Variants in NFAT5 observed in about 807,000 individuals in gnomAD.
NFAT5 encodes nuclear factor of activated T-cells 5.
A neutral mutation model predicts 166.5 loss-of-function variants in NFAT5; 31 were observed. That is an observed-to-expected ratio of 0.19 (90% CI 0.14 to 0.25). The LOEUF (loss-of-function observed/expected upper bound fraction) is 0.25. NFAT5 is among the 10% of genes least tolerant of loss of function. The pLI is 1.00. For synonymous variants in NFAT5, 612 were observed against 639.7 expected (o/e 0.96, Z 0.65); for missense variants, 1,449 against 1,821.8 (o/e 0.80, Z 3.72).
chr16:69,575,666 A>G (rs1480957287), intron 2 of NFAT5, among the ~76,000 whole-genome samples: 5 of 136,310 alleles, frequency 3.7e-5, no homozygotes, highest in Non-Finnish European at 7.9e-5. Context: ...GAAGAAAAAA[A>G]TTTAGTTTTA....
At position 69,670,292 on chromosome 16, in the gene NFAT5, A is replaced by G. The variant is rs748045730; in HGVS notation, c.1557+4A>G. 2.6e-6 allele frequency: 4 copies of G among 1,528,822 alleles called. No individual in the cohort carries two copies. Among genetic ancestry groups the G allele is most frequent in the East Asian group, 2.4e-5 (1 of 40,934 alleles). The allele number at this position is 1,528,822 out of a possible 1,614,324, so 94.7% of individuals were successfully genotyped here. ...TGATATGGAACTATTTCATCAGGTA[A>G]AATTTAAGCTTTTTTTATAATTTGG... On this transcript the variant is annotated splice_donor_region_variant and intron_variant, in intron 9 of 14. Coordinates refer to ENST00000349945, the MANE Select transcript of NFAT5 (RefSeq NM_138713.4).
chr16:69,693,819 A>G lies in NFAT5; in HGVS notation c.3994A>G (p.Asn1332Asp). Residue 1332 changes from asparagine (N) to aspartate (D), a missense_variant, in exon 13 of 15, where the codon AAC (asparagine) becomes GAC (aspartate). Asn to Asp is a conservative substitution (Grantham distance 23). This residue lies in a region of NFAT5 where 891 missense variants were observed against 993.0 expected (regional missense o/e 0.90). Transcript: ENST00000349945. The stretch of plus-strand genomic sequence containing the variant: ...CCAGTCAATTTTTCACCAACAAAGT[A>G]ACATGGCCCCAATGAATCAAGAGCA... ...QNQSIFHQQS[N>D]MAPMNQEQQP... The G allele has an allele frequency of 1.2e-6, 2 of 1,614,262 alleles. No individual in the cohort carries two copies. Among genetic ancestry groups the G allele is most frequent in the Non-Finnish European group, 1.7e-6 (2 of 1,180,048 alleles).
At chr16:69,575,691 A>G (rs564491689) in intron 2 of NFAT5, among the ~76,000 whole-genome samples, 1 of 152,268 alleles carries the variant, frequency 6.6e-6, no homozygotes, top group East Asian at 1.9e-4. Flanking sequence ...AAAAAACTGT[A>G]CCTGAGGCAA....
intron 2 of NFAT5, 58 bp from the exon 3 acceptor site, chr16:69,626,345 G>T (rs1392747423): frequency 2.1e-5 from 32 of 1,490,260 alleles, no homozygotes; most frequent in Non-Finnish European, 2.6e-5. Flanking sequence ...GTGCATATTA[G>T]ATTGTTGACT....
In NFAT5 at chr16:69,647,626, C is replaced by G. The variant is rs531322058; in HGVS notation, c.812+40C>G. On this transcript the variant is annotated intron_variant, in intron 4 of 14. Coordinates refer to ENST00000349945, the MANE Select transcript of NFAT5 (RefSeq NM_138713.4). The surrounding 1 kb of genome is among the most constrained non-coding windows in gnomAD (Gnocchi z 4.8). Reference sequence around the variant, plus strand: ...TTTTTAAAATTCTATCATCATTATGCAAAACAAACAAACAAAAAAAATTCC... The same window carrying G: ...TTTTTAAAATTCTATCATCATTATGGAAAACAAACAAACAAAAAAAATTCC... 4.7e-6 allele frequency: 7 copies of G among 1,483,600 alleles called. No individual in the cohort carries two copies. In the South Asian group the frequency reaches 8.2e-5, roughly 17 times the overall value. The allele number at this position is 1,483,600 out of a possible 1,614,324, so 91.9% of individuals were successfully genotyped here.
chr16:69,575,429 A>T (rs1022571453), intron 2 of NFAT5, among the ~76,000 whole-genome samples: 1 of 152,064 alleles, frequency 6.6e-6, no homozygotes, highest in African/African-American at 2.4e-5. Flanking sequence ...CAGCCTCCCA[A>T]AGTGCTGGGA....
intron 4 of NFAT5, among the ~76,000 whole-genome samples, chr16:69,651,102 T>C (rs897050536): frequency 6.6e-6 from 1 of 152,246 alleles, no homozygotes; most frequent in Admixed American, 6.5e-5. Context: ...TGGCATTCCT[T>C]GTCCAGTTAG....
intron 3 of NFAT5, among the ~76,000 whole-genome samples, chr16:69,640,622 AC>A (rs1234685445): frequency 6.6e-6 from 1 of 152,194 alleles, no homozygotes; most frequent in Non-Finnish European, 1.5e-5. Context: ...GGTCATTGTT[AC>A]CAGTAAGAAA....
At chr16:69,624,764 A>C (rs2034371255) in intron 2 of NFAT5, among the ~76,000 whole-genome samples, 1 of 152,146 alleles carries the variant, frequency 6.6e-6, no homozygotes, top group East Asian at 1.9e-4. Flanking sequence ...ATTTTAAAGT[A>C]CTCAGGCAGA....
chr16:69,590,797 G>C (rs1357873984), intron 2 of NFAT5, among the ~76,000 whole-genome samples: 1 of 152,162 alleles, frequency 6.6e-6, no homozygotes, highest in Non-Finnish European at 1.5e-5. Flanking sequence ...CCCCATCTGG[G>C]GTAGAGTGTT....
Position 69,617,615 on chromosome 16 carries a change from C to T in NFAT5, c.128-8788C>T, listed in dbSNP as rs1341067443. 4.0e-5 allele frequency among the ~76,000 whole-genome samples: 6 copies of T among 151,740 alleles called. 1 individual carries two copies. Among genetic ancestry groups the T allele is most frequent in the Admixed American group, 1.3e-4 (2 of 15,252 alleles). ...AAGCAGTCCTCCTACCTCAGCCTCCCGAGTAGCTGGAACTACAGGCTTGCA... is the reference window on the plus strand; with the variant it reads ...AAGCAGTCCTCCTACCTCAGCCTCCTGAGTAGCTGGAACTACAGGCTTGCA... On this transcript the variant is annotated intron_variant, in intron 2 of 14. Coordinates refer to ENST00000349945, the MANE Select transcript of NFAT5 (RefSeq NM_138713.4).
chr16:69,629,366 A>G (rs2034604558), intron 3 of NFAT5, among the ~76,000 whole-genome samples: 1 of 152,142 alleles, frequency 6.6e-6, no homozygotes, highest in African/African-American at 2.4e-5. Flanking sequence ...TCCTGTTACT[A>G]AGGGAATAAG....
At position 69,566,758 on chromosome 16, in the gene NFAT5, G is replaced by C. The variant is rs1461193841; in HGVS notation, c.73+384G>C. 6.6e-6 allele frequency among the ~76,000 whole-genome samples: 1 copy of C among 152,166 alleles called. No homozygotes were observed. Among genetic ancestry groups the C allele is most frequent in the Non-Finnish European group, 1.5e-5 (1 of 68,002 alleles). ...CCCGCGCTGGGGCCACCGCGATCGG[G>C]GCGCCGCGTCTTCTCTTACCGGGAC... On this transcript the variant is annotated intron_variant, in intron 1 of 14. Transcript: ENST00000349945. This position sits in a 1 kb window ranked among gnomAD's most constrained non-coding sequence, Gnocchi z 5.7.
rs28559291 is a variant in NFAT5 at position 69,657,140 on chromosome 16, T to C, written c.1196+1341T>C. Reference sequence around the variant, plus strand: ...TTTTGAGAAATATTTTGTAAATTTTTTTTTTTTGGAGAGGGAGTCTTGCTT... The same window carrying C: ...TTTTGAGAAATATTTTGTAAATTTTCTTTTTTTGGAGAGGGAGTCTTGCTT... On this transcript the variant is annotated intron_variant, in intron 6 of 14. Transcript: ENST00000349945. 1.9e-3 allele frequency among the ~76,000 whole-genome samples: 283 copies of C among 152,070 alleles called. 3 individuals carry two copies. The highest frequency in any genetic ancestry group is 6.4e-3 in the African/African-American group (266 of 41,502).
At chr16:69,655,531 G>T in intron 5 of NFAT5, 78 bp from the exon 6 acceptor site, 2 of 1,118,766 alleles carry the variant, frequency 1.8e-6, no homozygotes, top group Non-Finnish European at 2.4e-6. Flanking sequence ...TATAGGATTT[G>T]GTCTTAAATA....
intron 2 of NFAT5, among the ~76,000 whole-genome samples, chr16:69,589,288 C>G (rs1425982349): frequency 6.6e-6 from 1 of 152,118 alleles, no homozygotes; most frequent in Non-Finnish European, 1.5e-5. Context: ...GCCACCACGC[C>G]CAGCCTCCTA....
intron 2 of NFAT5, among the ~76,000 whole-genome samples, chr16:69,582,258 C>T (rs1381386753): frequency 1.3e-5 from 2 of 152,062 alleles, no homozygotes; most frequent in Non-Finnish European, 2.9e-5. Flanking sequence ...GAGTGAGACT[C>T]TGTCTCAAAT....
chr16:69,663,690 C>T (rs7185079), intron 7 of NFAT5, among the ~76,000 whole-genome samples: 2,819 of 151,228 alleles, frequency 0.019, 93 homozygotes, highest in African/African-American at 0.061. Flanking sequence ...GACAACATAG[C>T]AAGAGTCCAT....
chr16:69,646,214 C>T (rs1374361766), intron 3 of NFAT5, among the ~76,000 whole-genome samples: 2 of 152,130 alleles, frequency 1.3e-5, no homozygotes, highest in Non-Finnish European at 2.9e-5. Flanking sequence ...ATCAGTTCTT[C>T]CTTTGCTTTT....
Sources: gnomAD v4.1 joint callset for allele counts (sites outside exome capture counted in the v4.1 genomes callset) on GRCh38, gnomAD v4.1.1 for gene constraint, gnomAD v4.1.1 regional missense constraint, Gnocchi (gnomAD v3.1) non-coding constraint, MANE v1.5 for transcripts, NCBI Gene and HGNC (gene_info 2026-07-23, HGNC 2026-07-21) for gene names.